Variants in DNAH6 observed in about 807,000 individuals in gnomAD.
DNAH6 encodes the protein dynein axonemal heavy chain 6.
Under a neutral mutation model 491.4 loss-of-function variants are expected in DNAH6, and 340 were observed. The ratio of observed to expected loss-of-function variants is 0.69; its 90% CI spans 0.63 to 0.76. The LOEUF is 0.76. Among genes scored for constraint, DNAH6 ranks in the 30% least tolerant of loss-of-function variants. The probability of loss-of-function intolerance (pLI) is 0.00; values close to 1 mark genes in which losing one functional copy is unlikely to be tolerated. For missense variants in DNAH6, 4,443 were observed against 4,972.2 expected, an observed-to-expected ratio of 0.89 and a Z score of 3.20; for synonymous variants, 1,603 against 1,686.1, an observed-to-expected ratio of 0.95 and a Z score of 1.21.
At chr2:84,514,867 T>TCTCACACA (rs71390175), upstream of DNAH6, among the ~76,000 whole-genome samples, 57 of 139,110 alleles carry the variant, frequency 4.1e-4, 1 homozygote, top group African/African-American at 1.6e-3. Context: ...TTCACCACAG[T>TCTCACACA]CACACACACA....
At chr2:84,481,434 C>T in the DNAH6 span, among the ~76,000 whole-genome samples, 1 of 152,158 alleles carries the variant, frequency 6.6e-6, no homozygotes, top group Non-Finnish European at 1.5e-5. Context: ...CATGTTCACC[C>T]AGTGCTGATG....
intron 23 of DNAH6, among the ~76,000 whole-genome samples, chr2:84,619,123 G>T (rs1687151566): frequency 6.6e-6 from 1 of 152,140 alleles, no homozygotes; most frequent in African/African-American, 2.4e-5. Flanking sequence ...GCCTCACATG[G>T]TTGGAAATGG....
intron 29 of DNAH6, among the ~76,000 whole-genome samples, chr2:84,632,616 C>T (rs1271486851): frequency 1.3e-5 from 2 of 152,214 alleles, no homozygotes; most frequent in East Asian, 3.8e-4. Flanking sequence ...AAGACCATTC[C>T]TCTACAATAT....
At chr2:84,785,304 G>A (rs771925294) in intron 66 of DNAH6, among the ~76,000 whole-genome samples, 9 of 152,308 alleles carry the variant, frequency 5.9e-5, no homozygotes, top group Admixed American at 5.2e-4. Context: ...AAAATTCAAT[G>A]AGGAAACCCT....
chr2:84,653,303 A>G lies in DNAH6; in HGVS notation c.5079-16A>G. The G allele has an allele frequency of 6.8e-7, 1 of 1,480,542 alleles. No individual in the cohort carries two copies. The highest frequency in any genetic ancestry group is 9.0e-7 in the Non-Finnish European group (1 of 1,113,322). 91.7% of individuals were successfully genotyped at this position (1,480,542 alleles called of 1,614,324 possible). A position where few individuals can be genotyped will look rare whatever the true frequency, so the allele number is the denominator to read the frequency against. ...TGACCAGTTGTTCCTAATTGATTTT[A>G]TTTTTGTTTTGACAGTGGAATCATA... On this transcript the variant is annotated splice_polypyrimidine_tract_variant and intron_variant, in intron 33 of 76. Transcript: ENST00000389394.
rs934115790 is a variant in DNAH6 at position 84,553,043 on chromosome 2, T to G, written c.1602+9T>G. On this transcript the variant is annotated intron_variant, in intron 10 of 76. Coordinates refer to ENST00000389394, the MANE Select transcript of DNAH6 (RefSeq NM_001370.2). The stretch of plus-strand genomic sequence containing the variant: ...CTCTGGAAGACTTTCTGGTGTGTGT[T>G]TTTCATGTATTATCCACATGCAAGC... 2.0e-6 allele frequency: 3 copies of G among 1,490,408 alleles called. No homozygotes were observed. The East Asian group carries it at 7.0e-5, about 35-fold the overall frequency. 92.3% of individuals were successfully genotyped at this position (1,490,408 alleles called of 1,614,324 possible).
In DNAH6 at chr2:84,584,975, T is replaced by C. The variant is rs557153516; in HGVS notation, c.2481+725T>C. The C allele has an allele frequency of 9.8e-5, 15 of 152,310 alleles. No homozygotes were observed. The South Asian group carries it at 1.0e-3, about 11-fold the overall frequency. The allele number at this position is 152,310 out of a possible 1,614,324, so 9.4% of individuals were successfully genotyped here. A position where few individuals can be genotyped will look rare whatever the true frequency, so the allele number is the denominator to read the frequency against. Reference sequence around the variant, plus strand: ...TGGTTACCTTGTACCACTTTTACAATAGAAAAAATATAGGGTACATTGACT... The same window carrying C: ...TGGTTACCTTGTACCACTTTTACAACAGAAAAAATATAGGGTACATTGACT... On this transcript the variant is annotated intron_variant, in intron 15 of 76. Transcript: ENST00000389394.
rs1326000377 is a variant in DNAH6, at chr2:84,688,601, G to A, written c.7292+8G>A. 1 of 1,516,786 alleles carries A rather than the reference G, an allele frequency of 6.6e-7. No individual in the cohort carries two copies. 94.0% of individuals were successfully genotyped at this position (1,516,786 alleles called of 1,614,324 possible). On this transcript the variant is annotated splice_region_variant and intron_variant, in intron 45 of 76. Coordinates refer to ENST00000389394, the MANE Select transcript of DNAH6 (RefSeq NM_001370.2). ...TATAGAACATGTTTCAAGGTATAGT[G>A]CTATAAGGCGCCCAATAATGCATTG...
intron 50 of DNAH6, 90 bp downstream of exon 50, chr2:84,703,652 T>C (rs1000693772): frequency 2.1e-5 from 24 of 1,160,436 alleles, no homozygotes; most frequent in Non-Finnish European, 2.5e-5. Flanking sequence ...TTTTTTATTA[T>C]ATATGTTATT....
At chr2:84,527,914 A>G (rs1187681302) in intron 3 of DNAH6, among the ~76,000 whole-genome samples, 1 of 152,222 alleles carries the variant, frequency 6.6e-6, no homozygotes, top group Non-Finnish European at 1.5e-5. Context: ...TATATTTACA[A>G]TAGTTATTCA....
At chr2:84,702,152 G>A (rs1695972630) in intron 49 of DNAH6, among the ~76,000 whole-genome samples, 1 of 152,124 alleles carries the variant, frequency 6.6e-6, no homozygotes, top group African/African-American at 2.4e-5. Flanking sequence ...CAAGGACTGG[G>A]GTATCAGCCA....
the DNAH6 span, among the ~76,000 whole-genome samples, chr2:84,488,327 G>A: frequency 6.6e-6 from 1 of 150,442 alleles, no homozygotes; most frequent in Non-Finnish European, 1.5e-5. Flanking sequence ...GTATACATAT[G>A]TAACTAACCT....
rs1466575990 is a variant in DNAH6 at position 84,697,576 on chromosome 2, T to A, written c.7526T>A (p.Ile2509Asn). 1 of 1,550,418 alleles carries A rather than the reference T, an allele frequency of 6.4e-7. No individual in the cohort carries two copies. Among genetic ancestry groups the A allele is most frequent in the East Asian group, 2.4e-5 (1 of 40,910 alleles). ...AATGATCACTGCTTTCTTCTACAGA[T>A]TGTAGTGGAGGAGTTCCTAGAAGAT... ...NMVFLFTDTQ[I>N]VVEEFLEDIN... Residue 2509 changes from isoleucine to asparagine, a missense_variant and splice_region_variant, in exon 47 of 77, where the codon ATT becomes AAT. Transcript: ENST00000389394.
At chr2:84,536,419 A>T (rs1314305119) in intron 4 of DNAH6, among the ~76,000 whole-genome samples, 1 of 152,126 alleles carries the variant, frequency 6.6e-6, no homozygotes, top group African/African-American at 2.4e-5. Context: ...GGGAAACGTA[A>T]TGTTTAAAAT....
At chr2:84,652,380 A>G (rs1013156845) in intron 33 of DNAH6, among the ~76,000 whole-genome samples, 1 of 152,032 alleles carries the variant, frequency 6.6e-6, no homozygotes, top group Non-Finnish European at 1.5e-5. Context: ...TTCATTATTT[A>G]TTTATAATTA....
the DNAH6 span, among the ~76,000 whole-genome samples, chr2:84,481,060 G>A: frequency 6.6e-6 from 1 of 152,176 alleles, no homozygotes; most frequent in Admixed American, 6.5e-5. Context: ...GAATGTCTCT[G>A]TCTTGGATCC....
intron 41 of DNAH6, among the ~76,000 whole-genome samples, chr2:84,679,320 C>T (rs781642949): frequency 5.3e-5 from 8 of 152,090 alleles, no homozygotes; most frequent in Non-Finnish European, 1.0e-4. Flanking sequence ...ACGATTTGCA[C>T]CGTTGGAATA....
rs147770673 is a variant in DNAH6, at chr2:84,805,030, C to G, written c.11482-635C>G. On this transcript the variant is annotated intron_variant, in intron 70 of 76. Coordinates refer to ENST00000389394, the MANE Select transcript of DNAH6 (RefSeq NM_001370.2). ...GTCTTACCATGTTGCCCATGCTGGT[C>G]TCAAACTATTGGGCTAAAGCAATCC... Among the ~76,000 whole-genome samples, 1,469 of 151,920 alleles carry G rather than the reference C, an allele frequency of 9.7e-3. 8 individuals are homozygous for G. The highest frequency in any genetic ancestry group is 0.015 in the Non-Finnish European group (1,040 of 67,966).
chr2:84,588,874 A>G lies in DNAH6; in HGVS notation c.2530A>G (p.Ile844Val), dbSNP rs1048725588. Residue 844 changes from isoleucine (I) to valine (V), a missense_variant, in exon 16 of 77, where the codon ATA becomes GTA. Ile to Val is a conservative substitution (Grantham distance 29). Around this residue, in one of 3 missense-constraint regions of DNAH6, gnomAD observed 2,977 missense variants for 3,296.6 expected, o/e 0.90. Transcript: ENST00000389394. Reference protein sequence around the residue: ...ISADQDKIRLILNNLQSVLAD... With the variant: ...ISADQDKIRLVLNNLQSVLAD... ...TGCTGACCAAGACAAAATAAGGCTC[A>G]TATTGAATAATCTGCAATCTGTTCT... 22 of 1,550,746 alleles carry G rather than the reference A, an allele frequency of 1.4e-5. No homozygotes were observed. In the Admixed American group the frequency reaches 3.3e-4, roughly 24 times the overall value.
Sources: gnomAD v4.1 joint callset for allele counts (sites outside exome capture counted in the v4.1 genomes callset) on GRCh38, gnomAD v4.1.1 for gene constraint, gnomAD v4.1.1 regional missense constraint, MANE v1.5 for transcripts, NCBI Gene and HGNC (gene_info 2026-07-23, HGNC 2026-07-21) for gene names.